Variants in CFAP70 observed in about 807,000 individuals in gnomAD.
The protein encoded by CFAP70 is cilia and flagella associated protein 70.
A neutral mutation model predicts 137.6 loss-of-function variants in CFAP70; 81 were observed. The observed-to-expected ratio is 0.59, with a 90% confidence interval of 0.49 to 0.71. CFAP70 has a LOEUF of 0.71. CFAP70 is among the 30% of genes least tolerant of loss of function. The pLI is 0.00. For synonymous variants in CFAP70, 382 were observed against 423.6 expected, an observed-to-expected ratio of 0.90 and a Z score of 1.20; for missense variants, 976 against 1,226.7, an observed-to-expected ratio of 0.80 and a Z score of 3.05.
intron 24 of CFAP70, 71 bp from the exon 26 acceptor site, chr10:73,269,786 T>A (rs1373322672): frequency 1.2e-6 from 1 of 862,296 alleles, no homozygotes; most frequent in East Asian, 2.4e-5. Flanking sequence ...CTGGTGTATA[T>A]GACCTATACC....
chr10:73,305,055 C>A (rs2049272653), intron 12 of CFAP70, among the ~76,000 whole-genome samples: 1 of 152,192 alleles, frequency 6.6e-6, no homozygotes, highest in Non-Finnish European at 1.5e-5. Context: ...AAGGTGGCAG[C>A]CTGGATTTCT....
intron 25 of CFAP70, among the ~76,000 whole-genome samples, chr10:73,259,712 G>GA (rs2044943567): frequency 6.6e-6 from 1 of 152,144 alleles, no homozygotes; most frequent in African/African-American, 2.4e-5. Context: ...CTACAATAAG[G>GA]AAAAAACTCT....
rs1179044918 is a variant in CFAP70, at chr10:73,262,359, C to A, written c.3028-5943G>T. The stretch of plus-strand genomic sequence containing the variant: ...CAGTTAGTCACTTCATAGCCCTCTC[C>A]GTTATCAGATCAGCTGTCATGGTCT... On this transcript the variant is annotated intron_variant, in intron 25 of 26. Coordinates refer to ENST00000310715, the Ensembl canonical transcript of CFAP70. Among the ~76,000 whole-genome samples, 8 of 152,154 alleles carry A rather than the reference C, an allele frequency of 5.3e-5. No homozygotes were observed. In the South Asian group the frequency reaches 8.3e-4, roughly 16 times the overall value.
In CFAP70 at chr10:73,299,111, T is replaced by C. The variant is rs1337098855; in HGVS notation, c.1318-10A>G. On this transcript the variant is annotated splice_polypyrimidine_tract_variant and intron_variant, in intron 13 of 26. Transcript: ENST00000310715. ...GGTAGTCACTCACTGCCTAAGAAAA[T>C]ACAAAACATCTGGTAGACGCCTCAG... 6 of 1,598,958 alleles carry C rather than the reference T, an allele frequency of 3.8e-6. No homozygotes were observed. Among genetic ancestry groups the C allele is most frequent in the East Asian group, 2.2e-5 (1 of 44,594 alleles).
At chr10:73,253,832 A>G in exon 27 of CFAP70, 5 of 575,612 alleles carry the variant, frequency 8.7e-6, no homozygotes, top group Non-Finnish European at 1.5e-5. Context: ...ATCCAGTAAC[A>G]CAGCCAATGG....
chr10:73,299,562 A>T, intron 13 of CFAP70, 43 bp downstream of exon 14: 1 of 1,551,502 alleles, frequency 6.4e-7, no homozygotes, highest in Non-Finnish European at 8.9e-7. Context: ...GCATGCACTC[A>T]ATATCTTATT....
intron 19 of CFAP70, among the ~76,000 whole-genome samples, chr10:73,284,141 A>C (rs1378859737): frequency 6.6e-6 from 1 of 152,192 alleles, no homozygotes; most frequent in Admixed American, 6.5e-5. Context: ...TGGAGGCTCT[A>C]AGGGAGAATT....
At chr10:73,277,459 A>G (rs944669278) in intron 20 of CFAP70, 98 bp from the exon 22 acceptor site, 3 of 1,364,754 alleles carry the variant, frequency 2.2e-6, no homozygotes, top group African/African-American at 2.9e-5. Flanking sequence ...TCACGCCTGT[A>G]ATCCCAGCAC....
At chr10:73,330,586 T>C (rs1589514939) in intron 8 of CFAP70, among the ~76,000 whole-genome samples, 1 of 152,080 alleles carries the variant, frequency 6.6e-6, no homozygotes. Context: ...GCAAAAAGCC[T>C]ATGTTTAAAG....
chr10:73,296,955 C>T (rs1192525854), intron 15 of CFAP70, 87 bp downstream of exon 16: 21 of 1,462,658 alleles, frequency 1.4e-5, no homozygotes, highest in South Asian at 2.6e-5. Context: ...AATAAATATT[C>T]GTTGAATAAA....
chr10:73,265,181 C>T (rs546440839), intron 25 of CFAP70, among the ~76,000 whole-genome samples: 82 of 152,148 alleles, frequency 5.4e-4, no homozygotes, highest in Middle Eastern at 3.4e-3. Flanking sequence ...AAAAATTAGC[C>T]GGGCGTGGTG....
chr10:73,335,496 C>T, exon 7 of CFAP70: 6 of 1,611,480 alleles, frequency 3.7e-6, no homozygotes, highest in Non-Finnish European at 5.1e-6. Flanking sequence ...TTTCTTTATG[C>T]ACTCTGCTTG....
At chr10:73,316,465 T>TATATATATATATATAGATATAG (rs1264429642) in intron 9 of CFAP70, among the ~76,000 whole-genome samples, 1 of 114,484 alleles carries the variant, frequency 8.7e-6, no homozygotes, top group Non-Finnish European at 1.7e-5. Flanking sequence ...TTTGTTGAGA[T>TATATATATATATATAGATATAG]ATATATATAT....
intron 3 of CFAP70, among the ~76,000 whole-genome samples, chr10:73,349,981 T>C (rs185460974): frequency 2.0e-5 from 3 of 152,334 alleles, no homozygotes; most frequent in East Asian, 3.9e-4. Context: ...TGTGTGATAA[T>C]AGCATTAAAT....
At chr10:73,311,221 C>G (rs1207198925) in intron 11 of CFAP70, among the ~76,000 whole-genome samples, 2 of 152,152 alleles carry the variant, frequency 1.3e-5, no homozygotes, top group Non-Finnish European at 2.9e-5. Context: ...CCATACACTG[C>G]AATTAACTGA....
chr10:73,306,397 C>A (rs576560195), intron 12 of CFAP70, among the ~76,000 whole-genome samples: 1 of 152,154 alleles, frequency 6.6e-6, no homozygotes, highest in African/African-American at 2.4e-5. Flanking sequence ...TAAAACACAC[C>A]ATAGTCAAAT....
At chr10:73,259,261 G>A (rs2044878168) in intron 25 of CFAP70, among the ~76,000 whole-genome samples, 1 of 152,218 alleles carries the variant, frequency 6.6e-6, no homozygotes, top group Non-Finnish European at 1.5e-5. Flanking sequence ...AATATTGGGG[G>A]CTGGTTACCC....
chr10:73,348,041 G>C, intron 4 of CFAP70, 115 bp downstream of exon 5: 1 of 860,360 alleles, frequency 1.2e-6, no homozygotes, highest in East Asian at 2.6e-5. Flanking sequence ...CACTAAGTGT[G>C]CTGTGAAAAG....
chr10:73,278,399 G>T (rs2046958517), intron 19 of CFAP70, 62 bp from the exon 21 acceptor site: 1 of 1,398,370 alleles, frequency 7.2e-7, no homozygotes, highest in East Asian at 2.3e-5. Flanking sequence ...AAAGGTTATT[G>T]TAAGAGATAC....
Sources: gnomAD v4.1 joint callset for allele counts (sites outside exome capture counted in the v4.1 genomes callset) on GRCh38, gnomAD v4.1.1 for gene constraint, MANE v1.5 for transcripts, NCBI Gene and HGNC (gene_info 2026-07-23, HGNC 2026-07-21) for gene names.